ELOVL6: variants seen among roughly 807,000 people sequenced by gnomAD.
ELOVL6 encodes very long chain fatty acid elongase 6.
Under a neutral mutation model 31.7 loss-of-function variants are expected in ELOVL6, and 8 were observed. The observed-to-expected ratio is 0.25, with a 90% confidence interval of 0.15 to 0.45. The LOEUF (loss-of-function observed/expected upper bound fraction) is 0.45, where lower values mean the gene tolerates loss of function less well. ELOVL6 is among the 20% of genes least tolerant of loss of function. The probability of loss-of-function intolerance (pLI) is 1.00; values close to 1 mark genes in which losing one functional copy is unlikely to be tolerated. For missense variants in ELOVL6, 126 were observed against 326.4 expected (o/e 0.39, Z 4.73); for synonymous variants, 101 against 117.7 (o/e 0.86, Z 0.92).
chr4:110,121,740 C>T (rs892639697), intron 1 of ELOVL6, among the ~76,000 whole-genome samples: 6 of 152,202 alleles, frequency 3.9e-5, no homozygotes, highest in South Asian at 2.1e-4. Context: ...CTCACTCTCA[C>T]ACCCCATCAC....
Position 110,147,329 on chromosome 4 carries a change from T to C in ELOVL6, c.90-41701A>G, listed in dbSNP as rs113667037. ...GGAAGACCTGAAACTATGAAAATAC[T>C]AGAAGAAAACCTAGAGAAAACTCTT... On this transcript the variant is annotated intron_variant, in intron 1 of 3. Transcript: ENST00000302274. 3.5e-3 allele frequency: 513 copies of C among 147,686 alleles called. 3 individuals carry two copies. Among genetic ancestry groups the C allele is most frequent in the African/African-American group, 0.012 (487 of 39,768 alleles). The allele number at this position is 147,686 out of a possible 1,614,324, so 9.1% of individuals were successfully genotyped here.
chr4:110,179,003 C>A (rs1401250672), intron 1 of ELOVL6, among the ~76,000 whole-genome samples: 2 of 151,932 alleles, frequency 1.3e-5, no homozygotes, highest in African/African-American at 4.8e-5. Flanking sequence ...CAGAAAACTA[C>A]AACTGATAAT....
chr4:110,109,511 C>T (rs1006400511), intron 1 of ELOVL6, among the ~76,000 whole-genome samples: 5 of 152,250 alleles, frequency 3.3e-5, no homozygotes, highest in African/African-American at 1.2e-4. Context: ...GTGGATCTAT[C>T]CTTAGAAATC....
chr4:110,056,337 A>G (rs1754986236), intron 3 of ELOVL6, among the ~76,000 whole-genome samples: 1 of 152,166 alleles, frequency 6.6e-6, no homozygotes, highest in African/African-American at 2.4e-5. Flanking sequence ...AAAAACTGGA[A>G]AGAAATTTAA....
At chr4:110,113,338 G>A (rs1757089358) in intron 1 of ELOVL6, among the ~76,000 whole-genome samples, 1 of 152,098 alleles carries the variant, frequency 6.6e-6, no homozygotes, top group African/African-American at 2.4e-5. Flanking sequence ...CCAATGCTTT[G>A]GGAGGGCAAG....
At chr4:110,067,081 T>C (rs1343766045) in intron 2 of ELOVL6, among the ~76,000 whole-genome samples, 1 of 152,236 alleles carries the variant, frequency 6.6e-6, no homozygotes, top group Non-Finnish European at 1.5e-5. Context: ...AGCCAAAGTG[T>C]AGATTTTCTT....
At chr4:110,058,423 C>T (rs1457851007) in intron 3 of ELOVL6, among the ~76,000 whole-genome samples, 1 of 152,068 alleles carries the variant, frequency 6.6e-6, no homozygotes, top group African/African-American at 2.4e-5. Flanking sequence ...TTGTTTTTGA[C>T]CTGGGAAGAC....
intron 3 of ELOVL6, among the ~76,000 whole-genome samples, chr4:110,059,330 A>T (rs1397510360): frequency 6.6e-6 from 1 of 152,160 alleles, no homozygotes; most frequent in African/African-American, 2.4e-5. Flanking sequence ...TGTACATTTT[A>T]TAAGTCCGTG....
chr4:110,158,632 C>CGTGT (rs1553961426), intron 1 of ELOVL6, among the ~76,000 whole-genome samples: 2 of 50,902 alleles, frequency 3.9e-5, no homozygotes, highest in African/African-American at 1.4e-4. Flanking sequence ...CATATATACA[C>CGTGT]GTGTATATAT....
At chr4:110,151,601 T>C (rs1483933238) in intron 1 of ELOVL6, among the ~76,000 whole-genome samples, 2 of 152,212 alleles carry the variant, frequency 1.3e-5, no homozygotes, top group Non-Finnish European at 2.9e-5. Flanking sequence ...AAGACTTCTA[T>C]ATATGTAATT....
At chr4:110,127,352 A>G (rs553326475) in intron 1 of ELOVL6, among the ~76,000 whole-genome samples, 2 of 144,328 alleles carry the variant, frequency 1.4e-5, no homozygotes, top group South Asian at 4.6e-4. Flanking sequence ...GGTTGCAGTG[A>G]GCCGAGATCG....
At chr4:110,101,241 C>T (rs187897201) in intron 2 of ELOVL6, among the ~76,000 whole-genome samples, 70 of 152,170 alleles carry the variant, frequency 4.6e-4, no homozygotes, top group African/African-American at 1.3e-3. Context: ...AGTTTCACCA[C>T]GTTGGCCAGG....
At chr4:110,064,852 T>C (rs1336773565) in intron 2 of ELOVL6, among the ~76,000 whole-genome samples, 1 of 152,180 alleles carries the variant, frequency 6.6e-6, no homozygotes, top group Non-Finnish European at 1.5e-5. Context: ...GCAATCACAA[T>C]GGTACTAGCT....
chr4:110,087,282 G>A (rs1007334766), intron 2 of ELOVL6, among the ~76,000 whole-genome samples: 12 of 152,086 alleles, frequency 7.9e-5, no homozygotes, highest in South Asian at 2.1e-4. Context: ...TTATTAGGCC[G>A]TCTAGAAGTA....
intron 2 of ELOVL6, among the ~76,000 whole-genome samples, chr4:110,061,528 C>A (rs1287240799): frequency 8.4e-6 from 1 of 119,654 alleles, no homozygotes; most frequent in Non-Finnish European, 1.8e-5. Context: ...TGTGTACTGT[C>A]TTTCCCTCAC....
intron 1 of ELOVL6, among the ~76,000 whole-genome samples, chr4:110,160,632 G>A (rs1418063748): frequency 6.6e-6 from 1 of 152,156 alleles, no homozygotes; most frequent in African/African-American, 2.4e-5. Context: ...CTAGGCTATT[G>A]TAACAATTAA....
intron 1 of ELOVL6, among the ~76,000 whole-genome samples, chr4:110,182,240 C>T (rs114350232): frequency 0.016 from 2,399 of 152,048 alleles, 63 homozygotes; most frequent in African/African-American, 0.055. Context: ...TGATCCTTTC[C>T]TATTAAAAAA....
intron 2 of ELOVL6, among the ~76,000 whole-genome samples, chr4:110,085,590 C>T (rs1212099434): frequency 6.6e-6 from 1 of 152,160 alleles, no homozygotes; most frequent in Admixed American, 6.5e-5. Context: ...CTGTAAGAGT[C>T]CCTGGACTCT....
chr4:110,063,896 G>A (rs762334924), intron 2 of ELOVL6, among the ~76,000 whole-genome samples: 1 of 151,768 alleles, frequency 6.6e-6, no homozygotes, highest in Non-Finnish European at 1.5e-5. Flanking sequence ...TGGCCAACAC[G>A]GTGAAACCCC....
Sources: gnomAD v4.1 joint callset for allele counts (sites outside exome capture counted in the v4.1 genomes callset) on GRCh38, gnomAD v4.1.1 for gene constraint, MANE v1.5 for transcripts, NCBI Gene and HGNC (gene_info 2026-07-23, HGNC 2026-07-21) for gene names.